Variants in DNAH3 observed in about 807,000 individuals in gnomAD.
DNAH3 encodes the protein axonemal beta dynein heavy chain 3.
In DNAH3, 332 loss-of-function variants were observed where a neutral mutation model predicts 432.5. The observed-to-expected ratio is 0.77, with a 90% CI of 0.70 to 0.84. The LOEUF is 0.84. Among genes scored for constraint, DNAH3 ranks in the 40% least tolerant of loss-of-function variants. DNAH3 has a pLI of 0.00. For synonymous variants in DNAH3, 1,956 were observed against 1,900.2 expected (o/e 1.03, Z -0.76); for missense variants, 4,861 against 5,114.0 (o/e 0.95, Z 1.51).
chr16:20,948,684 C>A, intron 56 of DNAH3, 47 bp from the exon 57 acceptor site: 2 of 1,604,492 alleles, frequency 1.2e-6, no homozygotes, highest in Non-Finnish European at 1.7e-6. Context: ...GGAAGGTCAT[C>A]ACGAGCTTGG....
Position 21,051,665 on chromosome 16 carries a change from T to A in DNAH3, c.4238+5A>T. 1 of 1,612,454 alleles carries A rather than the reference T, an allele frequency of 6.2e-7. No individual in the cohort carries two copies. Among genetic ancestry groups the A allele is most frequent in the Middle Eastern group, 2.0e-4 (1 of 4,920 alleles). On this transcript the variant is annotated splice_donor_5th_base_variant and intron_variant, in intron 29 of 61. Coordinates refer to ENST00000261383, the Ensembl canonical transcript of DNAH3. Reference sequence around the variant, plus strand: ...CCCCTCAGATCTAGGAGCTCCAGAGTGTACCTGTAGCAGCGGTCGGTGAGG... The same window carrying A: ...CCCCTCAGATCTAGGAGCTCCAGAGAGTACCTGTAGCAGCGGTCGGTGAGG...
rs552307290 is a variant in DNAH3 at position 21,051,602 on chromosome 16, C to T, written c.4238+68G>A. On this transcript the variant is annotated intron_variant, in intron 29 of 61. Coordinates refer to ENST00000261383, the Ensembl canonical transcript of DNAH3. ...GGTAACCCAAGACATCCCTAACTTT[C>T]CTCCCCAGAGTCTTCTTCCCCTGGA... 1,174 of 1,513,736 alleles carry T rather than the reference C, an allele frequency of 7.8e-4. 9 individuals are homozygous for T. The highest frequency in any genetic ancestry group is 3.6e-3 in the South Asian group (312 of 86,384). 93.8% of individuals were successfully genotyped at this position (1,513,736 alleles called of 1,614,324 possible). A position where few individuals can be genotyped will look rare whatever the true frequency, so the allele number is the denominator to read the frequency against.
At chr16:20,941,277 A>C in intron 59 of DNAH3, 124 bp downstream of exon 59, 3 of 1,131,606 alleles carry the variant, frequency 2.7e-6, no homozygotes, top group East Asian at 4.7e-5. Flanking sequence ...GCCCCTATTC[A>C]CACCCCTAAT....
rs894807996 is a variant in DNAH3, at chr16:21,091,686, T to C, written c.2666-4626A>G. Among the ~76,000 whole-genome samples, 6 of 152,112 alleles carry C rather than the reference T, an allele frequency of 3.9e-5. No homozygotes were observed. The East Asian group carries it at 1.2e-3, about 29-fold the overall frequency. On this transcript the variant is annotated intron_variant, in intron 18 of 61. Coordinates refer to ENST00000261383, the Ensembl canonical transcript of DNAH3. Reference sequence around the variant, plus strand: ...CAAAAATTAGCCGGGTGTGGTGGCATGTGCCTATAATCCCAACTACTCAGG... The same window carrying C: ...CAAAAATTAGCCGGGTGTGGTGGCACGTGCCTATAATCCCAACTACTCAGG...
At chr16:21,056,672 T>C (rs1319361102) in intron 27 of DNAH3, among the ~76,000 whole-genome samples, 2 of 152,210 alleles carry the variant, frequency 1.3e-5, no homozygotes, top group Admixed American at 6.5e-5. Context: ...ATGATTATTC[T>C]GTGTCAACAC....
rs2092839760 is a variant in DNAH3 at position 21,150,437 on chromosome 16, G to C, written c.118-4349C>G. 46 of 398,762 alleles carry C rather than the reference G, an allele frequency of 1.2e-4. 1 individual carries two copies. The highest frequency in any genetic ancestry group is 8.4e-4 in the South Asian group (45 of 53,456). The allele number at this position is 398,762 out of a possible 1,614,324, so 24.7% of individuals were successfully genotyped here. A position where few individuals can be genotyped will look rare whatever the true frequency, so the allele number is the denominator to read the frequency against. On this transcript the variant is annotated intron_variant, in intron 1 of 61. Coordinates refer to ENST00000261383, the Ensembl canonical transcript of DNAH3. ...ATTCACACTTCCTTATAGCATAATGGGGATGACACCAACAATGGAACTTTC... is the reference window on the plus strand; with the variant it reads ...ATTCACACTTCCTTATAGCATAATGCGGATGACACCAACAATGGAACTTTC...
intron 24 of DNAH3, among the ~76,000 whole-genome samples, chr16:21,064,514 C>T (rs753149395): frequency 6.6e-6 from 1 of 152,214 alleles, no homozygotes; most frequent in Non-Finnish European, 1.5e-5. Context: ...AACGAATACA[C>T]TGTATCTACA....
At chr16:21,151,685 C>T (rs949647274) in intron 1 of DNAH3, among the ~76,000 whole-genome samples, 2 of 152,104 alleles carry the variant, frequency 1.3e-5, no homozygotes, top group African/African-American at 4.8e-5. Context: ...CCAACACAGT[C>T]AATGCTCTAT....
At chr16:20,980,383 G>C (rs1252047601) in intron 49 of DNAH3, among the ~76,000 whole-genome samples, 3 of 126,322 alleles carry the variant, frequency 2.4e-5, no homozygotes, top group African/African-American at 5.5e-5. Context: ...TGTGGGGGGG[G>C]AGAGAGAGAG....
chr16:21,085,314 C>T (rs554349124), intron 19 of DNAH3, among the ~76,000 whole-genome samples: 17 of 152,028 alleles, frequency 1.1e-4, no homozygotes, highest in South Asian at 1.0e-3. Context: ...GAGGTTGAGG[C>T]GGGTGGATCA....
intron 41 of DNAH3, among the ~76,000 whole-genome samples, chr16:21,017,874 C>T (rs1240951736): frequency 2.0e-5 from 3 of 152,140 alleles, no homozygotes; most frequent in East Asian, 1.9e-4. Flanking sequence ...ATCAAACATA[C>T]AGAAACATGG....
intron 44 of DNAH3, among the ~76,000 whole-genome samples, chr16:20,992,244 T>G (rs1288903500): frequency 6.6e-6 from 1 of 152,064 alleles, no homozygotes; most frequent in African/African-American, 2.4e-5. Flanking sequence ...GAAAGCCTCT[T>G]TATGTTGACA....
At chr16:21,088,869 T>C (rs2091454829) in intron 18 of DNAH3, among the ~76,000 whole-genome samples, 1 of 152,170 alleles carries the variant, frequency 6.6e-6, no homozygotes, top group Non-Finnish European at 1.5e-5. Context: ...GCCCCATGAA[T>C]GTAAACAAAT....
intron 16 of DNAH3, among the ~76,000 whole-genome samples, chr16:21,098,976 C>T (rs2091766836): frequency 6.6e-6 from 1 of 152,158 alleles, no homozygotes; most frequent in African/African-American, 2.4e-5. Flanking sequence ...TATAAGACCA[C>T]CTCCCAGAAA....
intron 14 of DNAH3, among the ~76,000 whole-genome samples, chr16:21,108,436 A>T (rs1168670192): frequency 3.3e-5 from 5 of 152,190 alleles, no homozygotes; most frequent in Non-Finnish European, 7.3e-5. Flanking sequence ...GCATGGCTCA[A>T]ACTTTCCAAA....
intron 47 of DNAH3, among the ~76,000 whole-genome samples, chr16:20,986,236 G>A (rs1365271384): frequency 1.3e-5 from 2 of 151,980 alleles, no homozygotes; most frequent in African/African-American, 2.4e-5. Context: ...TGGGCACGGT[G>A]GCTCATGCCT....
intron 16 of DNAH3, among the ~76,000 whole-genome samples, chr16:21,103,373 G>A (rs2091882909): frequency 6.6e-6 from 1 of 151,050 alleles, no homozygotes; most frequent in Admixed American, 6.6e-5. Context: ...GCAGGGTGGG[G>A]GAGTTGGGAG....
intron 60 of DNAH3, 67 bp from the exon 61 acceptor site, chr16:20,935,552 T>C (rs556685682): frequency 1.8e-5 from 28 of 1,534,442 alleles, no homozygotes; most frequent in Non-Finnish European, 2.3e-5. Context: ...ATGCAAGTAA[T>C]GTAACGAGTA....
chr16:20,969,033 T>C (rs2085193698), intron 52 of DNAH3, among the ~76,000 whole-genome samples: 1 of 152,078 alleles, frequency 6.6e-6, no homozygotes, highest in Non-Finnish European at 1.5e-5. Flanking sequence ...CTCTCCTGTA[T>C]GTCTGCATCT....
Sources: gnomAD v4.1 joint callset for allele counts (sites outside exome capture counted in the v4.1 genomes callset) on GRCh38, gnomAD v4.1.1 for gene constraint, MANE v1.5 for transcripts, NCBI Gene and HGNC (gene_info 2026-07-23, HGNC 2026-07-21) for gene names.